Variants in TNS3 observed in about 807,000 individuals in gnomAD.
TNS3 encodes the protein tensin-3.
Under a neutral mutation model 140.9 loss-of-function variants are expected in TNS3, and 45 were observed. The observed-to-expected ratio is 0.32, with a 90% CI of 0.25 to 0.41. The LOEUF is 0.41. Among genes scored for constraint, TNS3 ranks in the 10% least tolerant of loss-of-function variants. The pLI, the probability that TNS3 is intolerant of heterozygous loss-of-function variation, is 1.00. For missense variants in TNS3, 1,716 were observed against 1,906.7 expected (o/e 0.90, Z 1.86); for synonymous variants, 815 against 788.4 (o/e 1.03, Z -0.56).
Position 47,437,507 on chromosome 7 carries a change from T to C in TNS3, c.151-194A>G, listed in dbSNP as rs1380882686. On this transcript the variant is annotated intron_variant, in intron 6 of 30. Transcript: ENST00000311160. ...ATCAGAGATGAAAGCAGAAAACACA[T>C]TGCATTTTTACATGATGTTTCCCTT... is the stretch of plus-strand genomic sequence containing the variant. 5.3e-5 allele frequency among the ~76,000 whole-genome samples: 8 copies of C among 151,818 alleles called. No individual in the cohort carries two copies. In the East Asian group the frequency reaches 7.7e-4, roughly 15 times the overall value.
At chr7:47,527,391 G>A (rs1799236340) in intron 2 of TNS3, among the ~76,000 whole-genome samples, 1 of 152,174 alleles carries the variant, frequency 6.6e-6, no homozygotes, top group Admixed American at 6.5e-5. Flanking sequence ...GGACACAGAG[G>A]GGCTGCTGTA....
intron 17 of TNS3, among the ~76,000 whole-genome samples, chr7:47,347,717 T>C (rs1789428883): frequency 6.6e-6 from 1 of 152,030 alleles, no homozygotes; most frequent in African/African-American, 2.4e-5. Flanking sequence ...CTTCCTTCCA[T>C]CCTCTCTTCG....
At chr7:47,572,179 C>T (rs1199872023) in intron 1 of TNS3, among the ~76,000 whole-genome samples, 3 of 152,212 alleles carry the variant, frequency 2.0e-5, no homozygotes, top group African/African-American at 7.2e-5. Flanking sequence ...CTTTTACTCA[C>T]AAATAGCCCG....
intron 20 of TNS3, among the ~76,000 whole-genome samples, chr7:47,325,530 A>C (rs1787980296): frequency 6.6e-6 from 1 of 152,130 alleles, no homozygotes; most frequent in Non-Finnish European, 1.5e-5. Context: ...CTGCGTTCTT[A>C]GGTTATCTCC....
intron 20 of TNS3, among the ~76,000 whole-genome samples, chr7:47,329,540 G>A (rs543030237): frequency 3.9e-5 from 6 of 152,272 alleles, no homozygotes; most frequent in South Asian, 2.1e-4. Context: ...CCACCGCTCC[G>A]CACATGGGCC....
intron 4 of TNS3, among the ~76,000 whole-genome samples, chr7:47,480,005 G>T (rs977748908): frequency 1.3e-5 from 2 of 152,216 alleles, no homozygotes; most frequent in African/African-American, 4.8e-5. Context: ...CAAGGGCAAG[G>T]CCCAGCCACT....
In TNS3 at chr7:47,439,523, C is replaced by T. The variant is rs774321914; in HGVS notation, c.114G>A (p.Thr38=). 34 of 1,613,838 alleles carry T rather than the reference C, an allele frequency of 2.1e-5. No individual in the cohort carries two copies. The highest frequency in any genetic ancestry group is 1.2e-4 in the Admixed American group (7 of 59,972). Reference sequence around the variant, plus strand: ...CCCCGTGCTTGGACTTGAGCATGCGCGTGACCTCCTGTAGGTTGTGCAGGT... The same window carrying T: ...CCCCGTGCTTGGACTTGAGCATGCGTGTGACCTCCTGTAGGTTGTGCAGGT... ...ESYLHNLQEV[T]RMLKSKHGDN... The change falls in exon 6 of 31, where the codon ACG becomes ACA. Residue 38 remains threonine (T), a synonymous_variant. Transcript: ENST00000311160.
chr7:47,558,562 G>A (rs1169512568), intron 1 of TNS3, among the ~76,000 whole-genome samples: 1 of 152,146 alleles, frequency 6.6e-6, no homozygotes, highest in Non-Finnish European at 1.5e-5. Context: ...CTAAGGACTT[G>A]GGGTTCAGGC....
At chr7:47,470,982 T>C (rs1315723942) in intron 4 of TNS3, among the ~76,000 whole-genome samples, 1 of 151,952 alleles carries the variant, frequency 6.6e-6, no homozygotes, top group Non-Finnish European at 1.5e-5. Context: ...GTTTTTCGTC[T>C]TTCTCAGCAG....
chr7:47,436,178 C>A (rs1562738877), intron 7 of TNS3, among the ~76,000 whole-genome samples: 1 of 152,216 alleles, frequency 6.6e-6, no homozygotes, highest in Non-Finnish European at 1.5e-5. Flanking sequence ...AAGATAACCA[C>A]TGCAATGTTT....
chr7:47,311,222 A>G (rs1241765878), intron 20 of TNS3, among the ~76,000 whole-genome samples: 2 of 152,164 alleles, frequency 1.3e-5, no homozygotes, highest in African/African-American at 4.8e-5. Context: ...CATCCTCTCC[A>G]GCACCTGTTG....
rs549246474 is a variant in TNS3 at position 47,313,437 on chromosome 7, C to G, written c.2651-8434G>C. 2.0e-5 allele frequency among the ~76,000 whole-genome samples: 3 copies of G among 152,238 alleles called. No individual in the cohort carries two copies. In the South Asian group the frequency reaches 6.2e-4, roughly 32 times the overall value. Reference sequence around the variant, plus strand: ...TAGGTGGACAGTTGGTTGATCAGTTCCTAGGGTCTCATGCCAAGAAGCAGC... The same window carrying G: ...TAGGTGGACAGTTGGTTGATCAGTTGCTAGGGTCTCATGCCAAGAAGCAGC... On this transcript the variant is annotated intron_variant, in intron 20 of 30. Coordinates refer to ENST00000311160, the MANE Select transcript of TNS3 (RefSeq NM_022748.12).
chr7:47,432,158 C>T (rs1562733624), intron 8 of TNS3, among the ~76,000 whole-genome samples: 1 of 152,116 alleles, frequency 6.6e-6, no homozygotes, highest in Non-Finnish European at 1.5e-5. Context: ...ATTTAATCTC[C>T]AATGTGGCAG....
At chr7:47,401,045 G>A in intron 13 of TNS3, 131 bp from the exon 14 acceptor site, 2 of 1,351,908 alleles carry the variant, frequency 1.5e-6, no homozygotes, top group Non-Finnish European at 2.0e-6. Flanking sequence ...TTCACGCTTT[G>A]GAGTGGAACT....
chr7:47,511,978 G>C (rs1356505781), intron 2 of TNS3, among the ~76,000 whole-genome samples: 1 of 152,228 alleles, frequency 6.6e-6, no homozygotes, highest in African/African-American at 2.4e-5. Flanking sequence ...ATGTACTTTA[G>C]ACGCCTTGTT....
intron 20 of TNS3, among the ~76,000 whole-genome samples, chr7:47,329,146 G>C (rs2150902659): frequency 6.6e-6 from 1 of 152,296 alleles, no homozygotes; most frequent in South Asian, 2.1e-4. Flanking sequence ...GCAGAACATA[G>C]GGGCCTGTCA....
At chr7:47,306,934 A>G (rs1786793554) in intron 20 of TNS3, among the ~76,000 whole-genome samples, 1 of 152,250 alleles carries the variant, frequency 6.6e-6, no homozygotes, top group Non-Finnish European at 1.5e-5. Context: ...GCCTAAATTA[A>G]CAACTATCCT....
intron 4 of TNS3, among the ~76,000 whole-genome samples, chr7:47,476,262 C>T (rs1355565918): frequency 6.6e-6 from 1 of 152,232 alleles, no homozygotes; most frequent in East Asian, 1.9e-4. Context: ...CACAGCTCAC[C>T]AGTGTCATAC....
Position 47,276,584 on chromosome 7 carries a change from G to C in TNS3, c.*1492C>G, listed in dbSNP as rs1234072220. The stretch of plus-strand genomic sequence containing the variant: ...AGAGCACCTAGGCTGTGAGAGGATG[G>C]GGCCAAGGCCTTATTCTGATGTGGC... On this transcript the variant is annotated 3_prime_UTR_variant, in exon 31 of 31. Coordinates refer to ENST00000311160, the MANE Select transcript of TNS3 (RefSeq NM_022748.12). The C allele has an allele frequency of 1.3e-5, 2 of 152,212 alleles. No homozygotes were observed. Among genetic ancestry groups the C allele is most frequent in the African/African-American group, 4.8e-5 (2 of 41,438 alleles). The allele number at this position is 152,212 out of a possible 1,614,324, so 9.4% of individuals were successfully genotyped here.
Sources: gnomAD v4.1 joint callset for allele counts (sites outside exome capture counted in the v4.1 genomes callset) on GRCh38, gnomAD v4.1.1 for gene constraint, MANE v1.5 for transcripts, NCBI Gene and HGNC (gene_info 2026-07-23, HGNC 2026-07-21) for gene names.